Variants in HORMAD2 observed in about 807,000 individuals in gnomAD.
HORMAD2 encodes the protein HORMA domain-containing protein 2.
In HORMAD2, 45 loss-of-function variants were observed where a neutral mutation model predicts 38.8. That is an observed-to-expected ratio of 1.16 (90% CI 0.91 to 1.49). The LOEUF is 1.49. Ranked by LOEUF, HORMAD2 falls within the 40% of genes most tolerant of loss-of-function variation. The probability of loss-of-function intolerance (pLI) is 0.00; values close to 1 mark genes in which losing one functional copy is unlikely to be tolerated. For synonymous variants in HORMAD2, 126 were observed against 122.8 expected (o/e 1.03, Z -0.17); for missense variants, 338 against 367.0 (o/e 0.92, Z 0.65).
chr22:30,082,168 CCATTCT>C (rs1454159336), intron 1 of HORMAD2, among the ~76,000 whole-genome samples: 49 of 152,222 alleles, frequency 3.2e-4, no homozygotes, highest in Non-Finnish European at 6.2e-4. Flanking sequence ...TTGAGTAAAG[CCATTCT>C]TAACAACATG....
chr22:30,085,325 G>T (rs1292773681), intron 1 of HORMAD2, among the ~76,000 whole-genome samples: 2 of 152,152 alleles, frequency 1.3e-5, no homozygotes, highest in Non-Finnish European at 2.9e-5. Context: ...TCTTTTAGGG[G>T]TGATGAAAAT....
intron 10 of HORMAD2, among the ~76,000 whole-genome samples, chr22:30,134,949 C>T (rs1601557518): frequency 6.6e-6 from 1 of 152,168 alleles, no homozygotes; most frequent in East Asian, 1.9e-4. Flanking sequence ...TTTGTGAACC[C>T]AATTAATCCC....
At chr22:30,103,415 G>A (rs1353059811) in intron 3 of HORMAD2, 22 bp from the exon 4 acceptor site, 2 of 1,438,666 alleles carry the variant, frequency 1.4e-6, no homozygotes, top group Non-Finnish European at 1.9e-6. Flanking sequence ...GATAAAAATA[G>A]ACTGTGTTTC....
rs188160152 is a variant in HORMAD2, at chr22:30,098,921, A to G, written c.121A>G (p.Thr41Ala). 3.1e-6 allele frequency: 5 copies of G among 1,613,344 alleles called. No individual in the cohort carries two copies. Among genetic ancestry groups the G allele is most frequent in the African/African-American group, 1.3e-5 (1 of 75,042 alleles). Residue 41 changes from threonine to alanine, a missense_variant, in exon 3 of 11, where the codon ACT (threonine) becomes GCT (alanine). Coordinates refer to ENST00000336726, the MANE Select transcript of HORMAD2 (RefSeq NM_152510.4). ...GAAAATGGTGAAGAAACTTTTTGCT[A>G]CTTCCATCTCATGTATAACATACCT... is the stretch of plus-strand genomic sequence containing the variant. ...SLKMVKKLFA[T>A]SISCITYLRG...
chr22:30,187,501 T>G, the HORMAD2 span, among the ~76,000 whole-genome samples: 2 of 147,654 alleles, frequency 1.4e-5, no homozygotes, highest in East Asian at 4.0e-4. Context: ...TATATTTCCT[T>G]TGTGTGTGTG....
At chr22:30,144,234 T>C (rs1466425643) in intron 10 of HORMAD2, among the ~76,000 whole-genome samples, 1 of 152,192 alleles carries the variant, frequency 6.6e-6, no homozygotes, top group Non-Finnish European at 1.5e-5. Flanking sequence ...TTTAATCAAA[T>C]CAAATTTGGA....
intron 5 of HORMAD2, among the ~76,000 whole-genome samples, chr22:30,109,953 C>T (rs976561310): frequency 6.6e-6 from 1 of 152,086 alleles, no homozygotes; most frequent in Non-Finnish European, 1.5e-5. Flanking sequence ...GCCCTGTGTA[C>T]GTAATGGACT....
At chr22:30,120,076 TG>T (rs1922326019) in intron 8 of HORMAD2, among the ~76,000 whole-genome samples, 1 of 152,214 alleles carries the variant, frequency 6.6e-6, no homozygotes, top group Admixed American at 6.5e-5. Flanking sequence ...TATACACTGA[TG>T]GCCAGATTAA....
chr22:30,090,311 C>T (rs1051592234), intron 1 of HORMAD2, among the ~76,000 whole-genome samples: 1 of 152,082 alleles, frequency 6.6e-6, no homozygotes, highest in African/African-American at 2.4e-5. Context: ...TGCAGTGAGC[C>T]GAGATCACGC....
intron 10 of HORMAD2, among the ~76,000 whole-genome samples, chr22:30,158,210 T>C (rs569575320): frequency 6.6e-6 from 1 of 152,102 alleles, no homozygotes; most frequent in Non-Finnish European, 1.5e-5. Context: ...GAGGAAAATG[T>C]GGGTAACTTC....
At chr22:30,178,434 C>T (rs114740856), downstream of HORMAD2, among the ~76,000 whole-genome samples, 430 of 152,268 alleles carry the variant, frequency 2.8e-3, 3 homozygotes, top group African/African-American at 9.0e-3. Context: ...TGGGCACACA[C>T]GGAAGGAGAT....
chr22:30,169,558 G>T (rs905897519), intron 10 of HORMAD2, among the ~76,000 whole-genome samples: 11 of 152,144 alleles, frequency 7.2e-5, no homozygotes, highest in African/African-American at 1.9e-4. Flanking sequence ...AGAAGATAAA[G>T]AAATTAATTG....
chr22:30,093,436 T>A (rs2068727141), intron 1 of HORMAD2, among the ~76,000 whole-genome samples: 1 of 152,184 alleles, frequency 6.6e-6, no homozygotes, highest in South Asian at 2.1e-4. Flanking sequence ...GGATTAATAA[T>A]ATATATTGAG....
chr22:30,190,740 G>A, the HORMAD2 span, among the ~76,000 whole-genome samples: 1 of 152,326 alleles, frequency 6.6e-6, no homozygotes, highest in Non-Finnish European at 1.5e-5. Context: ...CTTTAATGTG[G>A]CCCTTTTGAG....
At chr22:30,181,297 A>C (rs1926706827), downstream of HORMAD2, among the ~76,000 whole-genome samples, 1 of 151,954 alleles carries the variant, frequency 6.6e-6, no homozygotes. Flanking sequence ...GAGCCACTGC[A>C]CCTGGCCTCA....
At chr22:30,141,877 G>A (rs1000925611) in intron 10 of HORMAD2, among the ~76,000 whole-genome samples, 16 of 152,146 alleles carry the variant, frequency 1.1e-4, no homozygotes, top group African/African-American at 3.1e-4. Context: ...TTACAAGTGT[G>A]AGCCACTGCG....
At chr22:30,134,547 A>G (rs1036928345) in intron 10 of HORMAD2, among the ~76,000 whole-genome samples, 1 of 150,738 alleles carries the variant, frequency 6.6e-6, no homozygotes, top group Non-Finnish European at 1.5e-5. Context: ...TTTCTTTACC[A>G]TTGTCAGAAG....
rs1209212854 is a variant in HORMAD2 at position 30,176,207 on chromosome 22, T to C, written c.*40T>C. On this transcript the variant is annotated 3_prime_UTR_variant, in exon 11 of 11. Coordinates refer to ENST00000336726, the MANE Select transcript of HORMAD2 (RefSeq NM_152510.4). ...TTCTACATTTATTTTAAAATAAGTT[T>C]ATTTTGTAAAAACATGCATAAACTG... is the stretch of plus-strand genomic sequence containing the variant. 1 of 1,322,762 alleles carries C rather than the reference T, an allele frequency of 7.6e-7. No homozygotes were observed. 81.9% of individuals were successfully genotyped at this position (1,322,762 alleles called of 1,614,324 possible).
chr22:30,173,318 G>T (rs1926234638), intron 10 of HORMAD2, among the ~76,000 whole-genome samples: 1 of 152,214 alleles, frequency 6.6e-6, no homozygotes. Flanking sequence ...GTGGACAATG[G>T]ATTGGAGAGG....
Sources: gnomAD v4.1 joint callset for allele counts (sites outside exome capture counted in the v4.1 genomes callset) on GRCh38, gnomAD v4.1.1 for gene constraint, MANE v1.5 for transcripts, NCBI Gene and HGNC (gene_info 2026-07-23, HGNC 2026-07-21) for gene names.